Variants in SRP72 observed in about 807,000 individuals in gnomAD.
SRP72 encodes signal recognition particle subunit SRP72.
A neutral mutation model predicts 96.3 loss-of-function variants in SRP72; 49 were observed. The ratio of observed to expected loss-of-function variants is 0.51; its 90% confidence interval spans 0.40 to 0.65. The LOEUF (loss-of-function observed/expected upper bound fraction) is 0.65, where lower values mean the gene tolerates loss of function less well. Ranked by LOEUF, SRP72 falls within the 30% of genes least tolerant of loss-of-function variation. SRP72 has a pLI of 0.00. For missense variants in SRP72, 736 were observed against 793.3 expected, an observed-to-expected ratio of 0.93 and a Z score of 0.87; for synonymous variants, 267 against 275.2, an observed-to-expected ratio of 0.97 and a Z score of 0.30.
chr4:56,472,392 C>G (rs2110112320), intron 3 of SRP72, among the ~76,000 whole-genome samples: 1 of 143,592 alleles, frequency 7.0e-6, no homozygotes, highest in Non-Finnish European at 1.5e-5. Context: ...GTTTCCCAGG[C>G]TGGAGTGCAG....
chr4:56,501,716 C>T lies in SRP72; in HGVS notation c.1871C>T (p.Thr624Ile), dbSNP rs797046009. ...DASKTVSSPP[T>I]SPRPGSAATV... ...AGTAAAACTGTGAGCAGCCCACCCA[C>T]CTCCCCAAGACCTGGCAGTGCTGCA... is the stretch of plus-strand genomic sequence containing the variant. Residue 624 changes from threonine (T) to isoleucine (I), a missense_variant, in exon 19 of 19, where the codon ACC becomes ATC. By Grantham distance (89) the Thr-to-Ile change is moderately conservative (BLOSUM62 -1). Transcript: ENST00000642900. 6.8e-6 allele frequency: 11 copies of T among 1,613,956 alleles called. No homozygotes were observed. The highest frequency in any genetic ancestry group is 9.3e-6 in the Non-Finnish European group (11 of 1,180,018).
chr4:56,500,450 T>C, intron 17 of SRP72, 86 bp from the exon 18 acceptor site: 1 of 1,310,568 alleles, frequency 7.6e-7, no homozygotes, highest in Non-Finnish European at 1.0e-6. Flanking sequence ...TAATGTTATT[T>C]ATTCCCAGGC....
rs750604544 is a variant in SRP72 at position 56,501,671 on chromosome 4, C to A, written c.1839-13C>A. On this transcript the variant is annotated splice_polypyrimidine_tract_variant and intron_variant, in intron 18 of 18. Transcript: ENST00000642900. ...GAATATATGAGTGACCAAAAATGAT[C>A]TGATGATTTCAGGGATGCCAGTAAA... 8.1e-6 allele frequency: 13 copies of A among 1,609,680 alleles called. No homozygotes were observed. The highest frequency in any genetic ancestry group is 1.1e-5 in the South Asian group (1 of 90,108).
In SRP72 at chr4:56,490,407, G is replaced by A; in HGVS notation, c.1395G>A (p.Glu465=). The A allele has an allele frequency of 1.2e-6, 2 of 1,614,010 alleles. No homozygotes were observed. The highest frequency in any genetic ancestry group is 1.7e-6 in the Non-Finnish European group (2 of 1,179,978). Residue 465 remains glutamate, a synonymous_variant, in exon 14 of 19, where the codon GAG becomes GAA. Transcript: ENST00000642900. ...NFKLKYGRKK[E]AISDLQQLWK... The stretch of plus-strand genomic sequence containing the variant: ...AACTCAAATATGGGCGGAAGAAGGA[G>A]GCAATTAGTGACCTACAACAGCTGT...
chr4:56,484,504 T>C (rs1720630785), intron 9 of SRP72, among the ~76,000 whole-genome samples: 1 of 152,166 alleles, frequency 6.6e-6, no homozygotes, highest in Non-Finnish European at 1.5e-5. Flanking sequence ...GTTTAGAATT[T>C]CTCCTTTACT....
chr4:56,468,660 G>A (rs543413270), intron 1 of SRP72, among the ~76,000 whole-genome samples: 55 of 152,218 alleles, frequency 3.6e-4, no homozygotes, highest in Non-Finnish European at 5.9e-4. Flanking sequence ...CAACACTCTA[G>A]TACTGGGTTA....
chr4:56,467,808 C>G (rs2110108907), intron 1 of SRP72, 64 bp downstream of exon 1: 4 of 1,357,768 alleles, frequency 2.9e-6, no homozygotes, highest in Non-Finnish European at 3.9e-6. Flanking sequence ...CTGTTTCCGG[C>G]GCGCGAGACC....
At chr4:56,479,299 C>A (rs1720375880) in intron 8 of SRP72, among the ~76,000 whole-genome samples, 1 of 152,088 alleles carries the variant, frequency 6.6e-6, no homozygotes, top group African/African-American at 2.4e-5. Flanking sequence ...CCTGCCTCAG[C>A]CTCCCAAGTA....
intron 9 of SRP72, 103 bp from the exon 10 acceptor site, chr4:56,484,633 A>G (rs1720634545): frequency 6.1e-6 from 9 of 1,475,288 alleles, no homozygotes; most frequent in Non-Finnish European, 8.4e-6. Flanking sequence ...TTTGGTTAAT[A>G]TTTGTTTCAA....
chr4:56,470,828 GTTT>G (rs569643683), intron 2 of SRP72, among the ~76,000 whole-genome samples: 5 of 130,186 alleles, frequency 3.8e-5, no homozygotes, highest in Non-Finnish European at 3.3e-5. Flanking sequence ...TTGGATAAAA[GTTT>G]TTTTTTTTTT....
At chr4:56,474,425 A>C in intron 5 of SRP72, 34 bp downstream of exon 5, 1 of 1,569,716 alleles carries the variant, frequency 6.4e-7, no homozygotes, top group Middle Eastern at 2.0e-4. Context: ...TGTAAATATA[A>C]CGTGCATATA....
chr4:56,502,753 G>T lies in SRP72; in HGVS notation c.*892G>T, dbSNP rs1721311028. On this transcript the variant is annotated 3_prime_UTR_variant, in exon 19 of 19. Transcript: ENST00000642900. ...TAGAGAAGAAATCAGTATCTGAGTT[G>T]CATACCAGGCAGTATTAAAATCTAA... 6.6e-6 allele frequency: 1 copy of T among 152,014 alleles called. No individual in the cohort carries two copies. The allele number at this position is 152,014 out of a possible 1,614,324, so 9.4% of individuals were successfully genotyped here.
chr4:56,491,883 CAG>C (rs998998365), intron 16 of SRP72, among the ~76,000 whole-genome samples: 6 of 151,828 alleles, frequency 4.0e-5, no homozygotes, highest in African/African-American at 7.3e-5. Flanking sequence ...TTTGTTGAGA[CAG>C]AGTCTTGCTC....
At chr4:56,473,894 G>A (rs545661042) in intron 3 of SRP72, among the ~76,000 whole-genome samples, 160 bp from the exon 4 acceptor site, 3 of 152,182 alleles carry the variant, frequency 2.0e-5, no homozygotes, top group Non-Finnish European at 2.9e-5. Flanking sequence ...AGTATGACTA[G>A]TACATGGAAC....
At chr4:56,496,755 A>T (rs902217642) in intron 17 of SRP72, among the ~76,000 whole-genome samples, 2 of 152,176 alleles carry the variant, frequency 1.3e-5, no homozygotes, top group Non-Finnish European at 1.5e-5. Flanking sequence ...TGGGAGGCCA[A>T]GGTGGGTGGA....
chr4:56,481,735 T>C (rs1046984003), intron 8 of SRP72, among the ~76,000 whole-genome samples: 4 of 151,636 alleles, frequency 2.6e-5, no homozygotes, highest in Non-Finnish European at 5.9e-5. Flanking sequence ...TGAAGGTTTG[T>C]GGCAACTCTG....
chr4:56,494,427 C>A (rs1395200003), intron 16 of SRP72, among the ~76,000 whole-genome samples: 3 of 137,122 alleles, frequency 2.2e-5, no homozygotes, highest in Non-Finnish European at 4.6e-5. Flanking sequence ...TTTTTTGAGA[C>A]GGAGTCTTGC....
intron 8 of SRP72, among the ~76,000 whole-genome samples, chr4:56,479,850 A>G (rs1720411069): frequency 6.6e-6 from 1 of 152,188 alleles, no homozygotes; most frequent in Non-Finnish European, 1.5e-5. Flanking sequence ...ACATTTGAAC[A>G]TACAATTTAT....
Position 56,478,086 on chromosome 4 carries a change from A to T in SRP72, c.643-293A>T, listed in dbSNP as rs74952490. Among the ~76,000 whole-genome samples, 5,376 of 151,074 alleles carry T rather than the reference A, an allele frequency of 0.036. 152 individuals are homozygous for T. The highest frequency in any genetic ancestry group is 0.11 in the Middle Eastern group (31 of 288). On this transcript the variant is annotated intron_variant, in intron 6 of 18. Transcript: ENST00000642900. Reference sequence around the variant, plus strand: ...TTTTTTAATTCTTGGGCTTTAGAGGATGATAATGATCAATAAATGGTAGTC... The same window carrying T: ...TTTTTTAATTCTTGGGCTTTAGAGGTTGATAATGATCAATAAATGGTAGTC...
Sources: gnomAD v4.1 joint callset for allele counts (sites outside exome capture counted in the v4.1 genomes callset) on GRCh38, gnomAD v4.1.1 for gene constraint, MANE v1.5 for transcripts, NCBI Gene and HGNC (gene_info 2026-07-23, HGNC 2026-07-21) for gene names.